The following PCMTD1 variants were observed in gnomAD, a reference collection of about 807,000 sequenced individuals.
PCMTD1 encodes the protein protein-L-isoaspartate O-methyltransferase domain-containing protein 1.
PCMTD1 carries 12 observed loss-of-function variants against 37.6 expected under a neutral mutation model. The ratio of observed to expected loss-of-function variants is 0.32; its 90% CI spans 0.20 to 0.52. The LOEUF (loss-of-function observed/expected upper bound fraction) is 0.52, where lower values mean the gene tolerates loss of function less well. PCMTD1 is among the 20% of genes least tolerant of loss of function. PCMTD1 has a pLI of 0.97. For missense variants in PCMTD1, 235 were observed against 421.3 expected (o/e 0.56, Z 3.87); for synonymous variants, 117 against 135.8 (o/e 0.86, Z 0.96).
intron 1 of PCMTD1, among the ~76,000 whole-genome samples, chr8:51,889,817 T>C (rs139091022): frequency 5.3e-5 from 8 of 152,174 alleles, no homozygotes; most frequent in East Asian, 1.9e-4. Context: ...TCTATGTTAA[T>C]AGTGTCTCCT....
chr8:51,850,326 A>G (rs1484236128), intron 2 of PCMTD1, among the ~76,000 whole-genome samples: 1 of 152,202 alleles, frequency 6.6e-6, no homozygotes, highest in African/African-American at 2.4e-5. Context: ...TAGTTATAGA[A>G]GCATAATTAT....
At chr8:51,855,964 G>C (rs1045614630) in intron 2 of PCMTD1, among the ~76,000 whole-genome samples, 1 of 152,078 alleles carries the variant, frequency 6.6e-6, no homozygotes, top group African/African-American at 2.4e-5. Context: ...ACCGCGCCTG[G>C]CCCAGAATGT....
At chr8:51,846,598 T>A (rs1390065377) in intron 2 of PCMTD1, among the ~76,000 whole-genome samples, 1 of 152,248 alleles carries the variant, frequency 6.6e-6, no homozygotes, top group Non-Finnish European at 1.5e-5. Flanking sequence ...AACATTTTTG[T>A]TTCACTTTGA....
At chr8:51,863,988 T>G (rs1291101183) in intron 1 of PCMTD1, among the ~76,000 whole-genome samples, 1 of 149,992 alleles carries the variant, frequency 6.7e-6, no homozygotes, top group Non-Finnish European at 1.5e-5. Flanking sequence ...AATGACTGAA[T>G]GGATTAGAAA....
intron 1 of PCMTD1, among the ~76,000 whole-genome samples, chr8:51,865,048 A>T (rs1161518890): frequency 6.6e-6 from 1 of 152,164 alleles, no homozygotes; most frequent in Non-Finnish European, 1.5e-5. Flanking sequence ...GTCATAAGAG[A>T]CTATGAACAA....
At chr8:51,840,672 A>G (rs2038135435) in intron 3 of PCMTD1, among the ~76,000 whole-genome samples, 1 of 152,154 alleles carries the variant, frequency 6.6e-6, no homozygotes, top group Non-Finnish European at 1.5e-5. Context: ...TTCAAATGCA[A>G]ATCATATGTG....
chr8:51,898,035 GGGC>G lies in PCMTD1; in HGVS notation c.-96+892_-96+894del, dbSNP rs759439427. Among the ~76,000 whole-genome samples the G allele has an allele frequency of 3.9e-5, 6 of 152,150 alleles. No individual in the cohort carries two copies. The East Asian group carries it at 1.2e-3, about 29-fold the overall frequency. On this transcript the variant is annotated intron_variant, in intron 1 of 5. Coordinates refer to ENST00000522514, the MANE Select transcript of PCMTD1 (RefSeq NM_052937.4). Reference sequence around the variant, plus strand: ...AATATGGGGGGAAGGGCGCGAGAGAGGGCAGGTTTCCTCATTGTTTGGCTGCTT... The same window carrying G: ...AATATGGGGGGAAGGGCGCGAGAGAGAGGTTTCCTCATTGTTTGGCTGCTT...
chr8:51,818,812 G>A lies in PCMTD1; in HGVS notation c.*1539C>T, dbSNP rs1377965630. ...GTTTTTAGATGTTGTGGAATTACTGGAGCTGAGATTTCTGAAACAATATCT... is the reference window on the plus strand; with the variant it reads ...GTTTTTAGATGTTGTGGAATTACTGAAGCTGAGATTTCTGAAACAATATCT... On this transcript the variant is annotated 3_prime_UTR_variant, in exon 6 of 6. Transcript: ENST00000522514. The A allele has an allele frequency of 4.6e-5, 7 of 152,308 alleles. No homozygotes were observed. Among genetic ancestry groups the A allele is most frequent in the Non-Finnish European group, 7.3e-5 (5 of 68,062 alleles). The allele number at this position is 152,308 out of a possible 1,614,324, so 9.4% of individuals were successfully genotyped here.
chr8:51,844,226 G>A (rs997791980), intron 3 of PCMTD1, among the ~76,000 whole-genome samples: 2 of 152,048 alleles, frequency 1.3e-5, no homozygotes, highest in East Asian at 1.9e-4. Context: ...TCTGCCAAAC[G>A]TGCTTTTCTT....
intron 1 of PCMTD1, among the ~76,000 whole-genome samples, chr8:51,893,425 A>G (rs1343751313): frequency 6.6e-6 from 1 of 152,206 alleles, no homozygotes. Context: ...AGGGCATTTC[A>G]GCTGATTGTA....
At chr8:51,841,167 G>T (rs540511267) in intron 3 of PCMTD1, among the ~76,000 whole-genome samples, 1 of 152,040 alleles carries the variant, frequency 6.6e-6, no homozygotes, top group Non-Finnish European at 1.5e-5. Flanking sequence ...TTTCTCATCT[G>T]GGAAATGTGA....
intron 2 of PCMTD1, chr8:51,849,872 A>C (rs531102844): frequency 2.6e-5 from 14 of 547,618 alleles, no homozygotes; most frequent in Non-Finnish European, 4.5e-5. Flanking sequence ...ACATTTTGAC[A>C]GTGTGGTGCT....
At chr8:51,826,372 G>T (rs1023116381) in intron 5 of PCMTD1, among the ~76,000 whole-genome samples, 16 of 142,222 alleles carry the variant, frequency 1.1e-4, no homozygotes, top group Non-Finnish European at 2.3e-4. Context: ...GTCAAGGGAT[G>T]GGGGGCTAGG....
chr8:51,833,738 C>T, intron 3 of PCMTD1, 49 bp from the exon 4 acceptor site: 3 of 1,520,638 alleles, frequency 2.0e-6, no homozygotes, highest in Non-Finnish European at 2.7e-6. Context: ...AACATTAGAT[C>T]TAAAAAATTT....
chr8:51,845,606 G>T, intron 3 of PCMTD1, 55 bp downstream of exon 3: 2 of 1,214,080 alleles, frequency 1.6e-6, no homozygotes, highest in South Asian at 1.2e-5. Context: ...GAATAGACAT[G>T]TTGCATGTAT....
At chr8:51,880,888 C>T (rs1389941468) in intron 1 of PCMTD1, among the ~76,000 whole-genome samples, 2 of 152,162 alleles carry the variant, frequency 1.3e-5, no homozygotes, top group Non-Finnish European at 2.9e-5. Context: ...GGCTTTGTTC[C>T]AATACAATTT....
chr8:51,860,789 A>T, intron 2 of PCMTD1, 56 bp downstream of exon 2: 1 of 1,378,090 alleles, frequency 7.3e-7, no homozygotes, highest in African/African-American at 1.5e-5. Flanking sequence ...TAAATCATAA[A>T]CCATAATACA....
intron 2 of PCMTD1, among the ~76,000 whole-genome samples, chr8:51,855,875 AG>A (rs1250693228): frequency 1.3e-5 from 2 of 151,904 alleles, no homozygotes; most frequent in Non-Finnish European, 2.9e-5. Context: ...TCACCGTGTT[AG>A]CCAGGATGGT....
At chr8:51,890,404 T>C (rs911929184) in intron 1 of PCMTD1, among the ~76,000 whole-genome samples, 1 of 152,202 alleles carries the variant, frequency 6.6e-6, no homozygotes, top group East Asian at 1.9e-4. Context: ...GTATGAAGAC[T>C]GACCAGAAAA....
Sources: allele counts gnomAD v4.1 joint callset (sites outside exome capture counted in the v4.1 genomes callset), GRCh38; gene constraint gnomAD v4.1.1; transcripts MANE v1.5; gene names NCBI Gene and HGNC (gene_info 2026-07-23, HGNC 2026-07-21).